Variants in PRDM15 observed in about 807,000 individuals in gnomAD.
PRDM15 encodes PR/SET domain 15, also known as PR domain zinc finger protein 15.
In PRDM15, 64 loss-of-function variants were observed where a neutral mutation model predicts 128.6. That is an observed-to-expected ratio of 0.50 (90% confidence interval 0.41 to 0.61). The LOEUF is 0.61. Among genes scored for constraint, PRDM15 ranks in the 20% least tolerant of loss-of-function variants. The pLI, the probability that PRDM15 is intolerant of heterozygous loss-of-function variation, is 0.00. For missense variants in PRDM15, 1,242 were observed against 1,569.1 expected, an observed-to-expected ratio of 0.79 and a Z score of 3.52; for synonymous variants, 615 against 621.8, an observed-to-expected ratio of 0.99 and a Z score of 0.16.
Position 41,879,055 on chromosome 21 carries a change from T to C in PRDM15, c.-10+215A>G, listed in dbSNP as rs2064539788. The C allele has an allele frequency of 8.9e-7, 1 of 1,128,880 alleles. No individual in the cohort carries two copies. 69.9% of individuals were successfully genotyped at this position (1,128,880 alleles called of 1,614,324 possible). ...GCGGCTCCGGGAAATCCAGCCGGGT[T>C]TTGACTCCGATCGCCAACGGTGCCC... On this transcript the variant is annotated intron_variant, in intron 1 of 23. Coordinates refer to ENST00000398548, the MANE Select transcript of PRDM15 (RefSeq NM_001040424.3). The surrounding 1 kb of genome is among the most constrained non-coding windows in gnomAD (Gnocchi z 5.1).
chr21:41,867,209 C>G, intron 1 of PRDM15: 1 of 887,926 alleles, frequency 1.1e-6, no homozygotes, highest in Non-Finnish European at 1.8e-6. Context: ...CTGCAGAAGG[C>G]AGCCACTCAG....
intron 21 of PRDM15, among the ~76,000 whole-genome samples, chr21:41,806,840 G>A (rs886387237): frequency 7.5e-6 from 1 of 132,754 alleles, no homozygotes; most frequent in Non-Finnish European, 1.6e-5. Flanking sequence ...TCACCACCAC[G>A]ACTGTCACCA....
rs564862120 is a variant in PRDM15, at chr21:41,821,328, G to A, written c.1897-98C>T. 169 of 1,367,648 alleles carry A rather than the reference G, an allele frequency of 1.2e-4. No homozygotes were observed. The African/African-American group carries it at 1.8e-3, about 15-fold the overall frequency. The allele number at this position is 1,367,648 out of a possible 1,614,324, so 84.7% of individuals were successfully genotyped here. On this transcript the variant is annotated intron_variant, in intron 15 of 23. Transcript: ENST00000398548. The surrounding 1 kb of genome is among the most constrained non-coding windows in gnomAD (Gnocchi z 5.4). The stretch of plus-strand genomic sequence containing the variant: ...GTCCACAAACCAGGGCACCCGACAC[G>A]CCCTGAGAGCCCATGACTCATGCCA...
intron 5 of PRDM15, among the ~76,000 whole-genome samples, chr21:41,852,314 C>T (rs1000760583): frequency 7.2e-5 from 11 of 152,248 alleles, no homozygotes; most frequent in African/African-American, 1.2e-4. Context: ...CTGGGCTGGC[C>T]GTGGGCACAC....
At chr21:41,873,806 G>A (rs1220198677) in intron 1 of PRDM15, among the ~76,000 whole-genome samples, 3 of 152,088 alleles carry the variant, frequency 2.0e-5, no homozygotes, top group Non-Finnish European at 2.9e-5. Flanking sequence ...GCACTTTGGG[G>A]GGCCAAGGTG....
chr21:41,842,169 A>G (rs1006596928), intron 6 of PRDM15, among the ~76,000 whole-genome samples: 1 of 152,254 alleles, frequency 6.6e-6, no homozygotes, highest in African/African-American at 2.4e-5. Context: ...AATGATATTG[A>G]TAAGTCTGGC....
rs73903598 is a variant in PRDM15 at position 41,824,900 on chromosome 21, A to C, written c.1629+1060T>G. On this transcript the variant is annotated intron_variant, in intron 13 of 23. Transcript: ENST00000398548. The stretch of plus-strand genomic sequence containing the variant: ...GCTCGGTGATGGTGCTGCATGCTGG[A>C]AGGCAGGACGGCGGGGACGGTGACA... Among the ~76,000 whole-genome samples the C allele has an allele frequency of 9.3e-3, 1,417 of 152,364 alleles. 28 individuals carry two copies. Among genetic ancestry groups the C allele is most frequent in the African/African-American group, 0.032 (1,312 of 41,596 alleles).
chr21:41,828,963 A>T lies in PRDM15; in HGVS notation c.1367-630T>A, dbSNP rs2062575067. Among the ~76,000 whole-genome samples the T allele has an allele frequency of 7.2e-6, 1 of 137,978 alleles. No individual in the cohort carries two copies. The highest frequency in any genetic ancestry group is 1.5e-5 in the Non-Finnish European group (1 of 65,326). 90.5% of individuals were successfully genotyped at this position (137,978 alleles called of 152,430 possible). A position where few individuals can be genotyped will look rare whatever the true frequency, so the allele number is the denominator to read the frequency against. On this transcript the variant is annotated intron_variant, in intron 11 of 23. Transcript: ENST00000398548. This position sits in a 1 kb window ranked among gnomAD's most constrained non-coding sequence, Gnocchi z 5.7. ...ACAAATACACAATCACACACACCACATACACACACCACGCACACATGCCCC... is the reference window on the plus strand; with the variant it reads ...ACAAATACACAATCACACACACCACTTACACACACCACGCACACATGCCCC...
Position 41,862,212 on chromosome 21 carries a change from A to C in PRDM15, c.-9-1840T>G, listed in dbSNP as rs575100048. 1.1e-4 allele frequency among the ~76,000 whole-genome samples: 17 copies of C among 152,290 alleles called. No homozygotes were observed. The highest frequency in any genetic ancestry group is 1.8e-4 in the Non-Finnish European group (12 of 68,016). The stretch of plus-strand genomic sequence containing the variant: ...GGAACCCACGTGACTCACGGTCAGG[A>C]GCTTGGGCGATGGGAACGATAGGCC... On this transcript the variant is annotated intron_variant, in intron 1 of 23. Transcript: ENST00000398548. The surrounding 1 kb of genome is among the most constrained non-coding windows in gnomAD (Gnocchi z 4.1).
At chr21:41,856,925 C>T (rs1245986354) in intron 4 of PRDM15, among the ~76,000 whole-genome samples, 1 of 152,176 alleles carries the variant, frequency 6.6e-6, no homozygotes, top group African/African-American at 2.4e-5. Context: ...TTGGGTTTCT[C>T]CTGCATATGT....
rs1196419909 is a variant in PRDM15 at position 41,832,077 on chromosome 21, C to T, written c.1366+3360G>A. Among the ~76,000 whole-genome samples, 1 of 152,204 alleles carries T rather than the reference C, an allele frequency of 6.6e-6. No homozygotes were observed. Among genetic ancestry groups the T allele is most frequent in the African/African-American group, 2.4e-5 (1 of 41,452 alleles). On this transcript the variant is annotated intron_variant, in intron 11 of 23. Transcript: ENST00000398548. The surrounding 1 kb of genome is among the most constrained non-coding windows in gnomAD (Gnocchi z 4.2). ...CTTCACACACTGCGTCTGAGGCGTG[C>T]GTGTTTACAGTGCTGGACGTTTTCA...
chr21:41,859,473 A>C lies in PRDM15; in HGVS notation c.131+119T>G, dbSNP rs2063743875. ...AGTGGGAGCGGAATCGCTGGCTCTC[A>C]CTCAGAGTGCCTCTGTTCTCCCTCA... is the stretch of plus-strand genomic sequence containing the variant. On this transcript the variant is annotated intron_variant, in intron 3 of 23. Transcript: ENST00000398548. This position sits in a 1 kb window ranked among gnomAD's most constrained non-coding sequence, Gnocchi z 5.3. 1.2e-6 allele frequency: 1 copy of C among 827,150 alleles called. No homozygotes were observed. The highest frequency in any genetic ancestry group is 1.7e-5 in the African/African-American group (1 of 57,990). 51.2% of individuals were successfully genotyped at this position (827,150 alleles called of 1,614,324 possible). A position where few individuals can be genotyped will look rare whatever the true frequency, so the allele number is the denominator to read the frequency against.
At chr21:41,806,673 AT>A (rs2061680294) in intron 21 of PRDM15, among the ~76,000 whole-genome samples, 2 of 29,170 alleles carry the variant, frequency 6.9e-5, no homozygotes, top group African/African-American at 3.5e-4. Context: ...CACCATCACC[AT>A]CACCACCACC....
chr21:41,862,496 A>C lies in PRDM15; in HGVS notation c.-9-2124T>G, dbSNP rs990685828. The stretch of plus-strand genomic sequence containing the variant: ...TCTGAGCGGAGCTGCTGGGAGAGGA[A>C]ACCCAGAAGAGAGGGGCGAGGGAAG... On this transcript the variant is annotated intron_variant, in intron 1 of 23. Transcript: ENST00000398548. The surrounding 1 kb of genome is among the most constrained non-coding windows in gnomAD (Gnocchi z 4.1). Among the ~76,000 whole-genome samples the C allele has an allele frequency of 6.6e-6, 1 of 152,160 alleles. No homozygotes were observed. The highest frequency in any genetic ancestry group is 2.4e-5 in the African/African-American group (1 of 41,436).
Position 41,802,716 on chromosome 21 carries a change from T to C in PRDM15, c.2939A>G (p.Gln980Arg), listed in dbSNP as rs1044842401. The change falls in exon 23 of 24, where the codon CAG becomes CGG. Residue 980 changes from glutamine (Q) to arginine (R), a missense_variant. By Grantham distance (43) the Gln-to-Arg change is conservative (BLOSUM62 1). Around this residue, in one of 3 missense-constraint regions of PRDM15, gnomAD observed 602 missense variants for 788.3 expected, o/e 0.76. Coordinates refer to ENST00000398548, the MANE Select transcript of PRDM15 (RefSeq NM_001040424.3). Reference protein sequence around the residue: ...DETNSAVQSIQQVVVTLGDPN... With the variant: ...DETNSAVQSIRQVVVTLGDPN... ...AACATAAAGCAGCAAACTGACCTGCTGAATGCTCTGTACTGCGGAATTGGT... is the reference window on the plus strand; with the variant it reads ...AACATAAAGCAGCAAACTGACCTGCCGAATGCTCTGTACTGCGGAATTGGT... 2 of 1,614,068 alleles carry C rather than the reference T, an allele frequency of 1.2e-6. No homozygotes were observed. Among genetic ancestry groups the C allele is most frequent in the Non-Finnish European group, 1.7e-6 (2 of 1,179,898 alleles).
chr21:41,818,413 T>C (rs1186299688), intron 18 of PRDM15, among the ~76,000 whole-genome samples: 10 of 152,082 alleles, frequency 6.6e-5, no homozygotes. Context: ...CAGACCTGTT[T>C]GTATTGTTTA....
intron 18 of PRDM15, among the ~76,000 whole-genome samples, chr21:41,818,658 C>T (rs554671785): frequency 3.9e-5 from 6 of 152,210 alleles, no homozygotes; most frequent in East Asian, 3.9e-4. Context: ...GGTCACCCGG[C>T]GAGTGCAGTT....
intron 18 of PRDM15, among the ~76,000 whole-genome samples, chr21:41,816,906 A>G (rs1186319721): frequency 6.6e-6 from 1 of 152,024 alleles, no homozygotes; most frequent in Non-Finnish European, 1.5e-5. Context: ...AAAAAAAAAA[A>G]AAGAGTGCCG....
intron 14 of PRDM15, 193 bp downstream of exon 14, chr21:41,823,125 C>T (rs1179062811): frequency 7.5e-5 from 53 of 708,892 alleles, no homozygotes; most frequent in South Asian, 2.5e-4. Flanking sequence ...GCGCCGTCTA[C>T]GAACCAGGAA....
Sources: allele counts gnomAD v4.1 joint callset (sites outside exome capture counted in the v4.1 genomes callset), GRCh38; gene constraint gnomAD v4.1.1; regional missense constraint gnomAD v4.1.1; non-coding constraint Gnocchi (gnomAD v3.1); transcripts MANE v1.5; gene names NCBI Gene and HGNC (gene_info 2026-07-23, HGNC 2026-07-21).